Variants in TUBGCP6 observed in about 807,000 individuals in gnomAD.
TUBGCP6 encodes tubulin gamma complex component 6.
TUBGCP6 carries 161 observed loss-of-function variants against 175.8 expected under a neutral mutation model. The observed-to-expected ratio is 0.92, with a 90% CI of 0.81 to 1.04. TUBGCP6 has a LOEUF of 1.04. TUBGCP6 is among the 50% of genes least tolerant of loss of function. TUBGCP6 has a pLI of 0.00. For synonymous variants in TUBGCP6, 1,173 were observed against 1,030.5 expected (o/e 1.14, Z -2.65); for missense variants, 2,572 against 2,433.0 (o/e 1.06, Z -1.20).
At chr22:50,240,136 A>G (rs770858164) in intron 2 of TUBGCP6, 68 bp downstream of exon 2, 96 of 1,598,772 alleles carry the variant, frequency 6.0e-5, no homozygotes, top group Non-Finnish European at 8.1e-5. Flanking sequence ...CCCCCCACAC[A>G]CCCCATCCAA....
intron 10 of TUBGCP6, among the ~76,000 whole-genome samples, chr22:50,225,320 C>T (rs1018114466): frequency 2.6e-5 from 4 of 152,108 alleles, no homozygotes; most frequent in East Asian, 1.9e-4. Flanking sequence ...ATTGTACCAC[C>T]GAGCCCCTCC....
Position 50,226,724 on chromosome 22 carries a change from A to T in TUBGCP6, c.1601+9T>A. 1 of 1,572,010 alleles carries T rather than the reference A, an allele frequency of 6.4e-7. No homozygotes were observed. Among genetic ancestry groups the T allele is most frequent in the Non-Finnish European group, 8.6e-7 (1 of 1,158,184 alleles). On this transcript the variant is annotated intron_variant, in intron 7 of 24. Coordinates refer to ENST00000248846, the MANE Select transcript of TUBGCP6 (RefSeq NM_020461.4). ...CGCGCCCGCCGCGCCTGCCCAGCCC[A>T]CTGCCCACCGGGTGTAGGGCTCGCA...
intron 17 of TUBGCP6, 48 bp downstream of exon 17, chr22:50,219,909 A>T: frequency 1.2e-6 from 2 of 1,612,002 alleles, no homozygotes; most frequent in Non-Finnish European, 1.7e-6. Flanking sequence ...CTAGAGGGAC[A>T]GAGCCCTCCC....
rs531800020 is a variant in TUBGCP6, at chr22:50,221,530, A to C, written c.2829T>G (p.Thr943=). The C allele has an allele frequency of 1.3e-6, 2 of 1,584,090 alleles. No homozygotes were observed. Among genetic ancestry groups the C allele is most frequent in the Non-Finnish European group, 1.7e-6 (2 of 1,163,134 alleles). ...APGEAPAAAS[T]QPSRPQEYDF... Reference sequence around the variant, plus strand: ...CGTACTCCTGTGGCCTGGAGGGCTGAGTGCTGGCTGCTGCGGGTGCCTCCC... The same window carrying C: ...CGTACTCCTGTGGCCTGGAGGGCTGCGTGCTGGCTGCTGCGGGTGCCTCCC... Residue 943 remains threonine, a synonymous_variant, in exon 16 of 25, where the codon ACT becomes ACG. Coordinates refer to ENST00000248846, the MANE Select transcript of TUBGCP6 (RefSeq NM_020461.4).
intron 15 of TUBGCP6, 43 bp downstream of exon 15, chr22:50,221,985 T>C (rs1303957243): frequency 1.2e-6 from 2 of 1,611,658 alleles, no homozygotes; most frequent in Admixed American, 1.7e-5. Flanking sequence ...CCGAGGGCTA[T>C]GGGAAAACCA....
At chr22:50,223,870 T>C (rs985628250) in intron 13 of TUBGCP6, 4 of 303,894 alleles carry the variant, frequency 1.3e-5, no homozygotes, top group Admixed American at 4.8e-5. Context: ...AGAAAGAAGA[T>C]AAATAAAGAG....
At chr22:50,222,313 G>T in intron 14 of TUBGCP6, 141 bp downstream of exon 14, 1 of 1,352,426 alleles carries the variant, frequency 7.4e-7, no homozygotes, top group Non-Finnish European at 1.0e-6. Flanking sequence ...GGTGGCACAC[G>T]GGGAGAGAGA....
intron 2 of TUBGCP6, among the ~76,000 whole-genome samples, chr22:50,236,167 G>C (rs953447010): frequency 1.3e-5 from 2 of 151,460 alleles, no homozygotes; most frequent in South Asian, 2.1e-4. Flanking sequence ...ACGGAGTCTC[G>C]CTCTGTCACC....
At chr22:50,232,638 T>C (rs1187726357) in intron 3 of TUBGCP6, among the ~76,000 whole-genome samples, 2 of 152,038 alleles carry the variant, frequency 1.3e-5, no homozygotes, top group East Asian at 1.9e-4. Flanking sequence ...GAGCACGGTG[T>C]TGAGAACAGG....
At chr22:50,227,809 G>A in intron 5 of TUBGCP6, 98 bp downstream of exon 5, 1 of 1,487,476 alleles carries the variant, frequency 6.7e-7, no homozygotes, top group Non-Finnish European at 9.0e-7. Flanking sequence ...GTTCTCACAG[G>A]CCCTCCTTGC....
At chr22:50,238,993 G>A (rs1008761200) in intron 2 of TUBGCP6, among the ~76,000 whole-genome samples, 16 of 152,208 alleles carry the variant, frequency 1.1e-4, no homozygotes, top group East Asian at 3.9e-4. Flanking sequence ...TCGCCCACCC[G>A]GGGGCACATG....
rs113592725 is a variant in TUBGCP6, at chr22:50,224,431, A to G, written c.2066-11T>C. The G allele has an allele frequency of 7.6e-4, 1,219 of 1,614,056 alleles. 14 individuals are homozygous for G. The African/African-American group carries it at 0.014, about 19-fold the overall frequency. ...CTGACATCTGCCGGTCTACATTGGG[A>G]CAGTAAGGGGCGCACTGTCACAAGG... On this transcript the variant is annotated splice_polypyrimidine_tract_variant and intron_variant, in intron 11 of 24. Transcript: ENST00000248846.
chr22:50,227,108 A>T (rs376176899), intron 5 of TUBGCP6, 31 bp from the exon 6 acceptor site: 22 of 1,588,632 alleles, frequency 1.4e-5, no homozygotes, highest in Non-Finnish European at 1.8e-5. Context: ...AGACCAGGTG[A>T]CCGGGCTCAG....
Position 50,240,279 on chromosome 22 carries a change from G to T in TUBGCP6, c.830C>A (p.Thr277Asn), listed in dbSNP as rs1404091507. 1.2e-6 allele frequency: 2 copies of T among 1,614,052 alleles called. No individual in the cohort carries two copies. Among genetic ancestry groups the T allele is most frequent in the South Asian group, 2.2e-5 (2 of 91,082 alleles). The change falls in exon 2 of 25, where the codon ACC (threonine) becomes AAC (asparagine). Residue 277 changes from threonine to asparagine, a missense_variant. Transcript: ENST00000248846. ...GGCTTCCCACAGGTCCACGTCTGGG[G>T]TCACGCTGGGCTCAGACTGGGAATC... ...TPDSQSEPSV[T>N]PDVDLWEAAL...
chr22:50,227,442 A>C (rs1046006904), intron 5 of TUBGCP6, among the ~76,000 whole-genome samples: 1 of 151,970 alleles, frequency 6.6e-6, no homozygotes, highest in African/African-American at 2.4e-5. Context: ...CGCACCCTTC[A>C]CAGCCCAGCT....
chr22:50,242,049 T>C (rs1290698856), intron 1 of TUBGCP6, among the ~76,000 whole-genome samples: 4 of 147,956 alleles, frequency 2.7e-5, no homozygotes, highest in African/African-American at 1.0e-4. Flanking sequence ...TCCCAGCACT[T>C]TGGGAGGCCG....
rs1205048287 is a variant in TUBGCP6 at position 50,220,463 on chromosome 22, C to T, written c.3896G>A (p.Gly1299Asp). The change falls in exon 16 of 25, where the codon GGC becomes GAC. Residue 1299 changes from glycine (G) to aspartate (D), a missense_variant. Gly to Asp is a moderately conservative substitution (Grantham distance 94, BLOSUM62 -1). Transcript: ENST00000248846. ...GCTGAGCGCTGACTGGGACGTGTGG[C>T]CAGGGGGGCTCTGTTGGGGCCTGGG... Reference protein sequence around the residue: ...NTPRPQQSPPGHTSQSALSLG... With the variant: ...NTPRPQQSPPDHTSQSALSLG... The T allele has an allele frequency of 6.2e-7, 1 of 1,612,870 alleles. No individual in the cohort carries two copies. The highest frequency in any genetic ancestry group is 8.5e-7 in the Non-Finnish European group (1 of 1,179,886).
chr22:50,226,144 A>T lies in TUBGCP6; in HGVS notation c.1739T>A (p.Val580Glu), dbSNP rs561967907. ...THGYVLISKE[V>E]EDCVPVFLKH... ...CAGAAACACGGGAACACAGTCCTCCACCTCTTTGGAGATGAGCACGTAGCC... is the reference window on the plus strand; with the variant it reads ...CAGAAACACGGGAACACAGTCCTCCTCCTCTTTGGAGATGAGCACGTAGCC... The change falls in exon 9 of 25, where the codon GTG becomes GAG. Residue 580 changes from valine to glutamate, a missense_variant. Val to Glu is a moderately radical substitution (Grantham distance 121). Transcript: ENST00000248846. 4 of 1,614,084 alleles carry T rather than the reference A, an allele frequency of 2.5e-6. No homozygotes were observed. The South Asian group carries it at 4.4e-5, about 18-fold the overall frequency.
In TUBGCP6 at chr22:50,219,354, T is replaced by C. The variant is rs1393017146; in HGVS notation, c.4418A>G (p.Gln1473Arg). Residue 1473 changes from glutamine (Q) to arginine (R), a missense_variant, in exon 19 of 25, where the codon CAG (glutamine) becomes CGG (arginine). Physicochemically the swap from Gln to Arg is conservative, Grantham distance 43. Coordinates refer to ENST00000248846, the MANE Select transcript of TUBGCP6 (RefSeq NM_020461.4). The part of the protein sequence containing the change: ...VQSAADETAV[Q>R]LSELLTLPVL... ...GGGCAGCGTCAGCAACTCGCTCAGCTGCACAGCAGTCTCATCAGCGGCAGA... is the reference window on the plus strand; with the variant it reads ...GGGCAGCGTCAGCAACTCGCTCAGCCGCACAGCAGTCTCATCAGCGGCAGA... The C allele has an allele frequency of 3.1e-6, 5 of 1,591,850 alleles. No homozygotes were observed. Among genetic ancestry groups the C allele is most frequent in the Non-Finnish European group, 3.4e-6 (4 of 1,170,530 alleles).
Sources: gnomAD v4.1 joint callset for allele counts (sites outside exome capture counted in the v4.1 genomes callset) on GRCh38, gnomAD v4.1.1 for gene constraint, MANE v1.5 for transcripts, NCBI Gene and HGNC (gene_info 2026-07-23, HGNC 2026-07-21) for gene names.